The following DCC variants were observed in gnomAD, a reference collection of about 807,000 sequenced individuals.
The protein encoded by DCC is DCC netrin 1 receptor, also known as netrin receptor DCC.
In DCC, 58 loss-of-function variants were observed where a neutral mutation model predicts 172.5. The ratio of observed to expected loss-of-function variants is 0.34; its 90% confidence interval spans 0.27 to 0.42. DCC has a LOEUF of 0.42. Among genes scored for constraint, DCC ranks in the 10% least tolerant of loss-of-function variants. DCC has a pLI of 1.00. For missense variants in DCC, 1,740 were observed against 1,791.0 expected (o/e 0.97, Z 0.51); for synonymous variants, 709 against 644.5 (o/e 1.10, Z -1.52).
intron 11 of DCC, among the ~76,000 whole-genome samples, chr18:53,214,700 G>T (rs1638380556): frequency 6.6e-6 from 1 of 151,892 alleles, no homozygotes; most frequent in Non-Finnish European, 1.5e-5. Context: ...TCCTATTATG[G>T]GGCAAAAAGC....
rs568664676 is a variant in DCC at position 52,913,309 on chromosome 18, G to A, written c.697+6981G>A. On this transcript the variant is annotated intron_variant, in intron 3 of 28. Coordinates refer to ENST00000442544, the MANE Select transcript of DCC (RefSeq NM_005215.4). Reference sequence around the variant, plus strand: ...GATAAGCCTAACCTGACTTACTGTGGATACATAGACCATTTCTGTTTGATT... The same window carrying A: ...GATAAGCCTAACCTGACTTACTGTGAATACATAGACCATTTCTGTTTGATT... 3.9e-5 allele frequency among the ~76,000 whole-genome samples: 6 copies of A among 152,148 alleles called. No individual in the cohort carries two copies. The South Asian group carries it at 1.2e-3, about 32-fold the overall frequency.
chr18:53,143,260 C>T (rs1406822922), intron 7 of DCC, among the ~76,000 whole-genome samples: 1 of 152,182 alleles, frequency 6.6e-6, no homozygotes, highest in African/African-American at 2.4e-5. Flanking sequence ...TAAGATCTAA[C>T]ATGATTGTAC....
chr18:52,565,784 G>T (rs1416121595), intron 1 of DCC, among the ~76,000 whole-genome samples: 2 of 152,092 alleles, frequency 1.3e-5, no homozygotes, highest in African/African-American at 2.4e-5. Flanking sequence ...CCGTTCTGTA[G>T]GTTGTCTGTT....
intron 1 of DCC, among the ~76,000 whole-genome samples, chr18:52,713,782 A>G (rs1599040377): frequency 6.6e-6 from 1 of 152,196 alleles, no homozygotes; most frequent in Non-Finnish European, 1.5e-5. Flanking sequence ...TGTTAAGCCT[A>G]TAATTACATG....
chr18:53,270,089 T>C (rs1293159535), intron 12 of DCC, among the ~76,000 whole-genome samples: 1 of 152,282 alleles, frequency 6.6e-6, no homozygotes, highest in African/African-American at 2.4e-5. Context: ...CAGGTAGTTA[T>C]GCAATTTGTA....
chr18:53,402,764 T>G (rs1909393823), intron 18 of DCC, 22 bp from the exon 19 acceptor site: 1 of 1,526,976 alleles, frequency 6.5e-7, no homozygotes, highest in Non-Finnish European at 9.1e-7. Context: ...TGACAAGGCC[T>G]TATCTCTGTC....
intron 5 of DCC, among the ~76,000 whole-genome samples, chr18:52,966,998 T>C (rs534015928): frequency 9.1e-4 from 139 of 152,180 alleles, no homozygotes; most frequent in Non-Finnish European, 1.5e-3. Flanking sequence ...ATTCTACTCC[T>C]CCCTCTGGTT....
chr18:53,434,997 A>C, intron 21 of DCC, 147 bp from the exon 22 acceptor site: 4 of 634,574 alleles, frequency 6.3e-6, no homozygotes, highest in Non-Finnish European at 1.1e-5. Context: ...ATTTTCTTAT[A>C]GGTGTAAGGG....
intron 10 of DCC, among the ~76,000 whole-genome samples, chr18:53,207,362 G>A (rs1159993367): frequency 6.6e-6 from 1 of 152,164 alleles, no homozygotes; most frequent in Non-Finnish European, 1.5e-5. Flanking sequence ...TGTTCCCATG[G>A]CGTTATAAGC....
chr18:52,631,111 G>T (rs73457845), intron 1 of DCC, among the ~76,000 whole-genome samples: 1 of 152,224 alleles, frequency 6.6e-6, no homozygotes, highest in African/African-American at 2.4e-5. Flanking sequence ...TGGCCGGAGG[G>T]GAGCAAGTGA....
At chr18:52,540,181 A>T (rs1598898290) in intron 1 of DCC, among the ~76,000 whole-genome samples, 1 of 152,336 alleles carries the variant, frequency 6.6e-6, no homozygotes, top group South Asian at 2.1e-4. Context: ...TATGCCCATA[A>T]TCCAAGCACC....
chr18:52,850,621 T>A (rs1332184048), intron 2 of DCC, among the ~76,000 whole-genome samples: 1 of 152,140 alleles, frequency 6.6e-6, no homozygotes, highest in African/African-American at 2.4e-5. Context: ...CTTGACAGTT[T>A]TTTTCCCCAC....
intron 2 of DCC, among the ~76,000 whole-genome samples, chr18:52,868,385 G>A (rs2039263287): frequency 6.6e-6 from 1 of 152,174 alleles, no homozygotes; most frequent in Non-Finnish European, 1.5e-5. Flanking sequence ...AAAGTCTTCT[G>A]TTGCCACAGA....
chr18:52,935,522 CAT>C (rs1264075649), intron 5 of DCC, among the ~76,000 whole-genome samples: 1 of 152,056 alleles, frequency 6.6e-6, no homozygotes, highest in African/African-American at 2.4e-5. Flanking sequence ...TGGAAGAAAA[CAT>C]ATACTTCAAA....
At chr18:52,965,503 T>C (rs1411209280) in intron 5 of DCC, among the ~76,000 whole-genome samples, 1 of 152,212 alleles carries the variant, frequency 6.6e-6, no homozygotes, top group Non-Finnish European at 1.5e-5. Context: ...ATGCACCTTA[T>C]ATATTTAATG....
chr18:52,373,376 A>G (rs1048352129), intron 1 of DCC, among the ~76,000 whole-genome samples: 1 of 152,222 alleles, frequency 6.6e-6, no homozygotes, highest in African/African-American at 2.4e-5. Flanking sequence ...ACAAATAAGT[A>G]GTGCCCACAA....
chr18:53,256,811 C>A (rs2056523566), intron 12 of DCC, among the ~76,000 whole-genome samples: 1 of 152,168 alleles, frequency 6.6e-6, no homozygotes, highest in African/African-American at 2.4e-5. Flanking sequence ...GCAGTATGGC[C>A]ATTTTTACAA....
intron 12 of DCC, among the ~76,000 whole-genome samples, chr18:53,260,757 G>T (rs2056586851): frequency 6.6e-6 from 1 of 152,170 alleles, no homozygotes; most frequent in Non-Finnish European, 1.5e-5. Flanking sequence ...TAAGTCTGCA[G>T]AGTTTTCTGC....
intron 1 of DCC, among the ~76,000 whole-genome samples, chr18:52,657,985 C>T (rs2035286833): frequency 6.6e-6 from 1 of 152,170 alleles, no homozygotes; most frequent in South Asian, 2.1e-4. Context: ...ATTCTCTTTG[C>T]CTGGAGGAGT....
Sources: allele counts gnomAD v4.1 joint callset (sites outside exome capture counted in the v4.1 genomes callset), GRCh38; gene constraint gnomAD v4.1.1; transcripts MANE v1.5; gene names NCBI Gene and HGNC (gene_info 2026-07-23, HGNC 2026-07-21).